GABRA5: variants seen among roughly 807,000 people sequenced by gnomAD.
GABRA5 encodes the protein gamma-aminobutyric acid receptor subunit alpha-5.
GABRA5 carries 18 observed loss-of-function variants against 47.3 expected under a neutral mutation model. The ratio of observed to expected loss-of-function variants is 0.38; its 90% CI spans 0.26 to 0.56. The LOEUF (loss-of-function observed/expected upper bound fraction) is 0.56, where lower values mean the gene tolerates loss of function less well. Ranked by LOEUF, GABRA5 falls within the 20% of genes least tolerant of loss-of-function variation. GABRA5 has a pLI of 0.71. For synonymous variants in GABRA5, 237 were observed against 229.3 expected, an observed-to-expected ratio of 1.03 and a Z score of -0.30; for missense variants, 365 against 599.3, an observed-to-expected ratio of 0.61 and a Z score of 4.08.
chr15:26,891,056 T>G (rs1052922486), intron 6 of GABRA5, among the ~76,000 whole-genome samples: 14 of 152,198 alleles, frequency 9.2e-5, no homozygotes, highest in Non-Finnish European at 2.1e-4. Flanking sequence ...TCTTGCATAT[T>G]TGGTTTGAAA....
chr15:26,886,554 T>G (rs1160817712), intron 6 of GABRA5, among the ~76,000 whole-genome samples: 2 of 152,108 alleles, frequency 1.3e-5, no homozygotes, highest in Non-Finnish European at 2.9e-5. Flanking sequence ...GAGTAAGGCT[T>G]AGGGGTGTTT....
chr15:26,926,595 C>A (rs543702535), intron 7 of GABRA5, among the ~76,000 whole-genome samples: 1 of 152,230 alleles, frequency 6.6e-6, no homozygotes, highest in East Asian at 1.9e-4. Flanking sequence ...CTCTGAAGAT[C>A]CCTGAGGCAT....
At chr15:26,884,018 C>A (rs1325283943) in intron 6 of GABRA5, among the ~76,000 whole-genome samples, 1 of 148,482 alleles carries the variant, frequency 6.7e-6, no homozygotes, top group Non-Finnish European at 1.5e-5. Flanking sequence ...AAAAAAGAAA[C>A]AAAAAAAAAC....
intron 6 of GABRA5, among the ~76,000 whole-genome samples, chr15:26,909,294 T>G (rs1173404977): frequency 6.6e-6 from 1 of 152,146 alleles, no homozygotes; most frequent in East Asian, 1.9e-4. Context: ...CGTGATGACA[T>G]TTGTCCCACC....
In GABRA5 at chr15:26,947,939, G is replaced by C. The variant is rs201873655; in HGVS notation, c.1095G>C (p.Lys365Asn). The part of the protein sequence containing the change: ...KALEAAKIKK[K>N]REVILNKSTN... ...ATTCGTATTATATTTTGCAGAAAAA[G>C]CGTGAAGTCATACTAAATAAGTCAA... The change falls in exon 11 of 11, where the codon AAG becomes AAC. Residue 365 changes from lysine (K) to asparagine (N), a missense_variant. Around this residue, in one of 3 missense-constraint regions of GABRA5, gnomAD observed 106 missense variants for 130.3 expected, o/e 0.81. Coordinates refer to ENST00000335625, the MANE Select transcript of GABRA5 (RefSeq NM_000810.4). 2.7e-5 allele frequency: 42 copies of C among 1,570,652 alleles called. No homozygotes were observed. Among genetic ancestry groups the C allele is most frequent in the Middle Eastern group, 3.3e-4 (2 of 6,032 alleles).
chr15:26,906,811 C>T (rs147887061), intron 6 of GABRA5, among the ~76,000 whole-genome samples: 2 of 152,094 alleles, frequency 1.3e-5, no homozygotes, highest in Admixed American at 6.6e-5. Context: ...TTCCATTTCA[C>T]GTCAATTATT....
At chr15:26,872,852 AGATGT>A (rs938765340) in intron 3 of GABRA5, among the ~76,000 whole-genome samples, 21 of 152,232 alleles carry the variant, frequency 1.4e-4, no homozygotes, top group Non-Finnish European at 3.1e-4. Flanking sequence ...GAAAATTTAT[AGATGT>A]GATAAGTGCA....
At position 26,883,988 on chromosome 15, in the gene GABRA5, G is replaced by A. The variant is rs561480412; in HGVS notation, c.497+431G>A. Among the ~76,000 whole-genome samples the A allele has an allele frequency of 1.9e-4, 28 of 151,152 alleles. No individual in the cohort carries two copies. The South Asian group carries it at 3.0e-3, about 16-fold the overall frequency. ...TCGAGATTAGCCTGGACAACATAGC[G>A]AGACCTTGTTTCTACCAAAAAAAAA... On this transcript the variant is annotated intron_variant, in intron 6 of 10. Coordinates refer to ENST00000335625, the MANE Select transcript of GABRA5 (RefSeq NM_000810.4). The surrounding 1 kb of genome is among the most constrained non-coding windows in gnomAD (Gnocchi z 4.8).
intron 3 of GABRA5, among the ~76,000 whole-genome samples, chr15:26,871,051 A>C (rs1225969821): frequency 6.6e-6 from 1 of 152,138 alleles, no homozygotes; most frequent in Admixed American, 6.5e-5. Context: ...AAGATTAGCC[A>C]GGCCTGGTGG....
At chr15:26,870,639 C>T (rs1482472094) in intron 3 of GABRA5, among the ~76,000 whole-genome samples, 1 of 152,000 alleles carries the variant, frequency 6.6e-6, no homozygotes, top group Non-Finnish European at 1.5e-5. Context: ...TGCCTCCCTT[C>T]CCATGCCTTC....
chr15:26,886,277 C>G (rs1054452651), intron 6 of GABRA5, among the ~76,000 whole-genome samples: 1 of 152,162 alleles, frequency 6.6e-6, no homozygotes, highest in African/African-American at 2.4e-5. Flanking sequence ...GCCTCGGCCT[C>G]CCAAAGTGCT....
At chr15:26,915,364 A>C (rs1187942073) in intron 7 of GABRA5, among the ~76,000 whole-genome samples, 1 of 152,156 alleles carries the variant, frequency 6.6e-6, no homozygotes, top group East Asian at 1.9e-4. Flanking sequence ...CACCCACAAC[A>C]CTCAGCATTT....
intron 3 of GABRA5, among the ~76,000 whole-genome samples, chr15:26,871,562 G>A (rs1029095058): frequency 2.0e-5 from 3 of 152,062 alleles, no homozygotes; most frequent in East Asian, 1.9e-4. Flanking sequence ...AAATATGTGC[G>A]ATACAGAAGT....
chr15:26,906,146 C>A (rs976167209), intron 6 of GABRA5, among the ~76,000 whole-genome samples: 1 of 110,278 alleles, frequency 9.1e-6, no homozygotes. Context: ...TTTGTTTATG[C>A]CTGTTGTGAT....
chr15:26,896,171 G>A (rs1333185807), intron 6 of GABRA5, among the ~76,000 whole-genome samples: 4 of 152,196 alleles, frequency 2.6e-5, no homozygotes, highest in Non-Finnish European at 5.9e-5. Context: ...GCTCTGAAGT[G>A]TCTTTGTGTA....
intron 6 of GABRA5, among the ~76,000 whole-genome samples, chr15:26,911,389 A>AC (rs1055993063): frequency 2.2e-5 from 3 of 134,610 alleles, no homozygotes; most frequent in African/African-American, 8.0e-5. Flanking sequence ...ACACACACAC[A>AC]CACACACAAA....
intron 8 of GABRA5, among the ~76,000 whole-genome samples, chr15:26,939,042 G>A (rs979604845): frequency 7.2e-5 from 11 of 152,156 alleles, no homozygotes; most frequent in Admixed American, 2.6e-4. Context: ...TTCTCCCCAC[G>A]TTCACAGTGC....
chr15:26,920,770 C>T (rs1016413751), intron 7 of GABRA5, among the ~76,000 whole-genome samples: 2 of 152,138 alleles, frequency 1.3e-5, no homozygotes, highest in South Asian at 4.1e-4. Context: ...GGGGACCTCT[C>T]CAACCTTGGT....
chr15:26,947,860 A>G, intron 10 of GABRA5, 74 bp from the exon 11 acceptor site: 1 of 1,328,690 alleles, frequency 7.5e-7, no homozygotes, highest in African/African-American at 1.5e-5. Flanking sequence ...TGAGAGGTAT[A>G]CCTTTAGAAC....
Sources: allele counts gnomAD v4.1 joint callset (sites outside exome capture counted in the v4.1 genomes callset), GRCh38; gene constraint gnomAD v4.1.1; regional missense constraint gnomAD v4.1.1; non-coding constraint Gnocchi (gnomAD v3.1); transcripts MANE v1.5; gene names NCBI Gene and HGNC (gene_info 2026-07-23, HGNC 2026-07-21).